TSPAN31: variants seen among roughly 807,000 people sequenced by gnomAD.
TSPAN31 encodes the protein tetraspanin-31.
In TSPAN31, 16 loss-of-function variants were observed where a neutral mutation model predicts 24.8. That is an observed-to-expected ratio of 0.64 (90% CI 0.44 to 0.98). The LOEUF (loss-of-function observed/expected upper bound fraction) is 0.98, where lower values mean the gene tolerates loss of function less well. Ranked by LOEUF, TSPAN31 falls within the 50% of genes least tolerant of loss-of-function variation. The pLI, the probability that TSPAN31 is intolerant of heterozygous loss-of-function variation, is 0.00. For missense variants in TSPAN31, 209 were observed against 251.6 expected, an observed-to-expected ratio of 0.83 and a Z score of 1.15; for synonymous variants, 87 against 91.4, an observed-to-expected ratio of 0.95 and a Z score of 0.27.
chr12:57,749,410 G>C lies in TSPAN31; in HGVS notation c.*2120G>C, dbSNP rs374401253. 1 of 1,613,208 alleles carries C rather than the reference G, an allele frequency of 6.2e-7. No homozygotes were observed. The highest frequency in any genetic ancestry group is 8.5e-7 in the Non-Finnish European group (1 of 1,179,144). On this transcript the variant is annotated 3_prime_UTR_variant, in exon 6 of 6. Transcript: ENST00000257910. ...TGCCATCCTGGGTTCAGCAGAAAGA[G>C]GACTCAGAATAGAAAATCTTTTTCT...
intron 2 of TSPAN31, 36 bp from the exon 3 acceptor site, chr12:57,746,140 G>A: frequency 1.3e-6 from 2 of 1,574,038 alleles, no homozygotes; most frequent in Non-Finnish European, 8.7e-7. Flanking sequence ...AAACATAAAG[G>A]AATCTAGGAC....
rs2140382299 is a variant in TSPAN31 at position 57,749,116 on chromosome 12, G to A, written c.*1826G>A. ...CATTAACCACAGTGGCCAGGGCCCT[G>A]CATACTGCTCTATTTCTTTCCCCAG... On this transcript the variant is annotated 3_prime_UTR_variant, in exon 6 of 6. Coordinates refer to ENST00000257910, the MANE Select transcript of TSPAN31 (RefSeq NM_005981.5). The A allele has an allele frequency of 6.3e-7, 1 of 1,596,264 alleles. No individual in the cohort carries two copies. Among genetic ancestry groups the A allele is most frequent in the Non-Finnish European group, 8.6e-7 (1 of 1,163,816 alleles).
At position 57,747,371 on chromosome 12, in the gene TSPAN31, C is replaced by A; in HGVS notation, c.*81C>A. 3 of 1,370,098 alleles carry A rather than the reference C, an allele frequency of 2.2e-6. No homozygotes were observed. The highest frequency in any genetic ancestry group is 3.0e-6 in the Non-Finnish European group (3 of 990,072). The allele number at this position is 1,370,098 out of a possible 1,614,324, so 84.9% of individuals were successfully genotyped here. On this transcript the variant is annotated 3_prime_UTR_variant, in exon 6 of 6. Transcript: ENST00000257910. ...TTAGGGAATATCTAGGGTCTGTAAC[C>A]GTTTTGGTTTGAGAAAAAGGAAAGG...
rs1318748967 is a variant in TSPAN31 at position 57,747,441 on chromosome 12, T to G, written c.*151T>G. ...AAATTGATGGAATAGCAAGACTTTATGCCTTGACATATTTTAGTGGGAGCC... is the reference window on the plus strand; with the variant it reads ...AAATTGATGGAATAGCAAGACTTTAGGCCTTGACATATTTTAGTGGGAGCC... On this transcript the variant is annotated 3_prime_UTR_variant, in exon 6 of 6. Transcript: ENST00000257910. 4 of 651,852 alleles carry G rather than the reference T, an allele frequency of 6.1e-6. No homozygotes were observed. The highest frequency in any genetic ancestry group is 6.0e-5 in the South Asian group (3 of 49,650). 40.4% of individuals were successfully genotyped at this position (651,852 alleles called of 1,614,324 possible).
rs1955139446 is a variant in TSPAN31 at position 57,745,733 on chromosome 12, C to G, written c.64-12C>G. 1.2e-6 allele frequency: 2 copies of G among 1,613,814 alleles called. No homozygotes were observed. The highest frequency in any genetic ancestry group is 1.7e-6 in the Non-Finnish European group (2 of 1,179,952). On this transcript the variant is annotated splice_polypyrimidine_tract_variant and intron_variant, in intron 1 of 5. Transcript: ENST00000257910. Reference sequence around the variant, plus strand: ...TAGAATTGTTGAGATGTATCCTGCTCTTTCTTCGTAGCTGGTGAGCTTGTT... The same window carrying G: ...TAGAATTGTTGAGATGTATCCTGCTGTTTCTTCGTAGCTGGTGAGCTTGTT...
In TSPAN31 at chr12:57,749,006, A is replaced by G; in HGVS notation, c.*1716A>G. ...CAGGCGTGAGCCACCGTGCCCAGCC[A>G]GGATGGGTTCTCTTCTATATCCTTC... On this transcript the variant is annotated 3_prime_UTR_variant, in exon 6 of 6. Transcript: ENST00000257910. 2 of 839,244 alleles carry G rather than the reference A, an allele frequency of 2.4e-6. No individual in the cohort carries two copies. Among genetic ancestry groups the G allele is most frequent in the Non-Finnish European group, 3.8e-6 (2 of 521,280 alleles). The allele number at this position is 839,244 out of a possible 1,614,324, so 52.0% of individuals were successfully genotyped here. A position where few individuals can be genotyped will look rare whatever the true frequency, so the allele number is the denominator to read the frequency against.
rs1955171687 is a variant in TSPAN31 at position 57,747,500 on chromosome 12, C to T, written c.*210C>T. The T allele has an allele frequency of 1.9e-6, 1 of 532,782 alleles. No homozygotes were observed. Among genetic ancestry groups the T allele is most frequent in the Admixed American group, 3.3e-5 (1 of 30,500 alleles). The allele number at this position is 532,782 out of a possible 1,614,324, so 33.0% of individuals were successfully genotyped here. ...AGGAATAAAAGGAAAAACTTTCTTC[C>T]TCTCTCTCCAAGAGGATATGGGAAG... On this transcript the variant is annotated 3_prime_UTR_variant, in exon 6 of 6. Coordinates refer to ENST00000257910, the MANE Select transcript of TSPAN31 (RefSeq NM_005981.5).
At chr12:57,745,589 A>G in intron 1 of TSPAN31, 156 bp from the exon 2 acceptor site, 1 of 914,628 alleles carries the variant, frequency 1.1e-6, no homozygotes, top group Non-Finnish European at 1.7e-6. Context: ...GGGAGTGCCT[A>G]GGGATGCTCC....
At chr12:57,745,305 A>C in intron 1 of TSPAN31, 88 bp downstream of exon 1, 1 of 1,383,218 alleles carries the variant, frequency 7.2e-7, no homozygotes, top group Non-Finnish European at 9.9e-7. Flanking sequence ...AGAGGGGTGT[A>C]TGGGGGTTCC....
chr12:57,745,886 AACC>A lies in TSPAN31; in HGVS notation c.213_215del (p.His71del), dbSNP rs1245743414. 6.2e-7 allele frequency: 1 copy of A among 1,610,150 alleles called. No individual in the cohort carries two copies. The highest frequency in any genetic ancestry group is 8.5e-7 in the Non-Finnish European group (1 of 1,178,380). On this transcript the variant is annotated inframe_deletion, in exon 2 of 6. Coordinates refer to ENST00000257910, the MANE Select transcript of TSPAN31 (RefSeq NM_005981.5). ...AGTGGCTGGACTGGTGGGTGCTGTC[AACC>A]ACCACCAAGTCCTGCTGTTCTTTGT...
chr12:57,748,557 A>G lies in TSPAN31; in HGVS notation c.*1267A>G. The G allele has an allele frequency of 1.2e-6, 2 of 1,613,794 alleles. No individual in the cohort carries two copies. Among genetic ancestry groups the G allele is most frequent in the Non-Finnish European group, 1.7e-6 (2 of 1,179,694 alleles). On this transcript the variant is annotated 3_prime_UTR_variant, in exon 6 of 6. Coordinates refer to ENST00000257910, the MANE Select transcript of TSPAN31 (RefSeq NM_005981.5). ...GGATTACCTTCATCCTTATGTAGAT[A>G]AGAGTGCTGCAGAGCTCGAAAGGCA...
chr12:57,749,021 C>T lies in TSPAN31; in HGVS notation c.*1731C>T, dbSNP rs1595108434. 6.3e-6 allele frequency: 6 copies of T among 955,564 alleles called. No individual in the cohort carries two copies. In the East Asian group the frequency reaches 1.3e-4, roughly 20 times the overall value. 59.2% of individuals were successfully genotyped at this position (955,564 alleles called of 1,614,324 possible). The stretch of plus-strand genomic sequence containing the variant: ...GTGCCCAGCCAGGATGGGTTCTCTT[C>T]TATATCCTTCTCTGTGGGTGGCTAT... On this transcript the variant is annotated 3_prime_UTR_variant, in exon 6 of 6. Transcript: ENST00000257910.
intron 2 of TSPAN31, 120 bp from the exon 3 acceptor site, chr12:57,746,056 G>T (rs957684422): frequency 2.8e-6 from 4 of 1,441,484 alleles, no homozygotes; most frequent in African/African-American, 2.8e-5. Flanking sequence ...AACAAGAGCT[G>T]ATTTTATTGC....
rs777684629 is a variant in TSPAN31, at chr12:57,745,851, T to C, written c.170T>C (p.Leu57Pro). Reference protein sequence around the residue: ...GGVIAVGVFLLLIAVAGLVGA... With the variant: ...GGVIAVGVFLPLIAVAGLVGA... ...GTCATTGCTGTGGGAGTCTTCCTTC[T>C]CCTTATTGCAGTGGCTGGACTGGTG... Residue 57 changes from leucine to proline, a missense_variant, in exon 2 of 6, where the codon CTC becomes CCC. By Grantham distance (98) the Leu-to-Pro change is moderately conservative. Transcript: ENST00000257910. The C allele has an allele frequency of 6.2e-7, 1 of 1,614,042 alleles. No individual in the cohort carries two copies. Among genetic ancestry groups the C allele is most frequent in the African/African-American group, 1.3e-5 (1 of 75,018 alleles).
Position 57,749,365 on chromosome 12 carries a change from T to C in TSPAN31, c.*2075T>C, listed in dbSNP as rs1412186145. 6.2e-7 allele frequency: 1 copy of C among 1,613,896 alleles called. No individual in the cohort carries two copies. Among genetic ancestry groups the C allele is most frequent in the Non-Finnish European group, 8.5e-7 (1 of 1,179,802 alleles). ...GGTCAGGAGGGTCCTCCAGTTCCCATCCCCATGGGCAGAGCCAGTTGCCAT... is the reference window on the plus strand; with the variant it reads ...GGTCAGGAGGGTCCTCCAGTTCCCACCCCCATGGGCAGAGCCAGTTGCCAT... On this transcript the variant is annotated 3_prime_UTR_variant, in exon 6 of 6. Transcript: ENST00000257910.
intron 1 of TSPAN31, 56 bp downstream of exon 1, chr12:57,745,273 C>G: frequency 6.4e-7 from 1 of 1,564,774 alleles, no homozygotes; most frequent in South Asian, 1.2e-5. Flanking sequence ...TGGGGAGAAT[C>G]TCTAGGGTAC....
intron 1 of TSPAN31, 73 bp from the exon 2 acceptor site, chr12:57,745,671 CA>C (rs1275794886): frequency 6.3e-7 from 1 of 1,579,042 alleles, no homozygotes; most frequent in Non-Finnish European, 8.6e-7. Flanking sequence ...GCCCCGCTCC[CA>C]AGTCCTCTTG....
At chr12:57,745,623 G>T in intron 1 of TSPAN31, 122 bp from the exon 2 acceptor site, 1 of 1,254,638 alleles carries the variant, frequency 8.0e-7, no homozygotes, top group Non-Finnish European at 1.1e-6. Context: ...ACCATCCCCA[G>T]CTCCCATTCA....
Position 57,745,611 on chromosome 12 carries a change from G to A in TSPAN31, c.64-134G>A. ...CCTAGGGATGCTCCCGGTGCGGATA[G>A]CACCATCCCCAGCTCCCATTCACAC... On this transcript the variant is annotated intron_variant, in intron 1 of 5. Coordinates refer to ENST00000257910, the MANE Select transcript of TSPAN31 (RefSeq NM_005981.5). 17 of 1,153,448 alleles carry A rather than the reference G, an allele frequency of 1.5e-5. No individual in the cohort carries two copies. The South Asian group carries it at 2.3e-4, about 16-fold the overall frequency. 71.5% of individuals were successfully genotyped at this position (1,153,448 alleles called of 1,614,324 possible).
Sources: allele counts gnomAD v4.1 joint callset, GRCh38; gene constraint gnomAD v4.1.1; transcripts MANE v1.5; gene names NCBI Gene and HGNC (gene_info 2026-07-23, HGNC 2026-07-21).